The following MAEA variants were observed in gnomAD, a reference collection of about 807,000 sequenced individuals.
The protein encoded by MAEA is E3 ubiquitin-protein transferase MAEA.
MAEA carries 22 observed loss-of-function variants against 46.2 expected under a neutral mutation model. That is an observed-to-expected ratio of 0.48 (90% CI 0.34 to 0.68). The LOEUF (loss-of-function observed/expected upper bound fraction) is 0.68, where lower values mean the gene tolerates loss of function less well. MAEA is among the 30% of genes least tolerant of loss of function. The pLI, the probability that MAEA is intolerant of heterozygous loss-of-function variation, is 0.01. For missense variants in MAEA, 393 were observed against 558.1 expected, an observed-to-expected ratio of 0.70 and a Z score of 2.98; for synonymous variants, 246 against 222.6, an observed-to-expected ratio of 1.11 and a Z score of -0.94.
chr4:1,332,792 G>A lies in MAEA; in HGVS notation c.692G>A (p.Ser231Asn). 1 of 1,613,302 alleles carries A rather than the reference G, an allele frequency of 6.2e-7. No individual in the cohort carries two copies. Among genetic ancestry groups the A allele is most frequent in the Non-Finnish European group, 8.5e-7 (1 of 1,179,750 alleles). ...ARKHFSQAEG[S>N]QLDEVRQAMG... ...AAGCACTTCAGCCAAGCAGAAGGGA[G>A]CCAGCTGGACGAGGTGCGCCAGGCC... Residue 231 changes from serine (S) to asparagine (N), a missense_variant, in exon 6 of 9, where the codon AGC becomes AAC. Physicochemically the swap from Ser to Asn is conservative, Grantham distance 46. Around this residue, in one of 2 missense-constraint regions of MAEA, gnomAD observed 358 missense variants for 537.9 expected, o/e 0.67. Coordinates refer to ENST00000303400, the MANE Select transcript of MAEA (RefSeq NM_001017405.3).
chr4:1,296,795 G>A (rs1308155486), intron 1 of MAEA, among the ~76,000 whole-genome samples: 2 of 152,054 alleles, frequency 1.3e-5, no homozygotes, highest in Non-Finnish European at 2.9e-5. Flanking sequence ...AGTCCACAGC[G>A]GACCCCACTG....
At chr4:1,319,809 G>A (rs1737793399) in intron 3 of MAEA, among the ~76,000 whole-genome samples, 2 of 151,596 alleles carry the variant, frequency 1.3e-5, no homozygotes, top group Admixed American at 1.3e-4. Flanking sequence ...ACATTCGCCT[G>A]CCCTGAAGGG....
chr4:1,313,574 A>T (rs73073731), intron 2 of MAEA, among the ~76,000 whole-genome samples: 2,982 of 152,180 alleles, frequency 0.02, 111 homozygotes, highest in African/African-American at 0.067. Flanking sequence ...AAACATTAAA[A>T]ATAGCCAAGC....
chr4:1,320,843 G>A (rs1560365272), intron 3 of MAEA, among the ~76,000 whole-genome samples: 1 of 151,720 alleles, frequency 6.6e-6, no homozygotes, highest in African/African-American at 2.4e-5. Flanking sequence ...GCTCACGCCT[G>A]TAATCCCAGC....
intron 6 of MAEA, among the ~76,000 whole-genome samples, chr4:1,336,563 G>A (rs1712796218): frequency 6.6e-6 from 1 of 152,090 alleles, no homozygotes. Context: ...GCCTCGCAGT[G>A]TGTTGAAATC....
chr4:1,295,080 G>A (rs1356323811), intron 1 of MAEA, among the ~76,000 whole-genome samples: 1 of 152,130 alleles, frequency 6.6e-6, no homozygotes, highest in Non-Finnish European at 1.5e-5. Context: ...TCAGCAGAAT[G>A]GGAAGCAAGC....
intron 1 of MAEA, among the ~76,000 whole-genome samples, chr4:1,296,693 C>A (rs13109112): frequency 0.35 from 52,989 of 151,092 alleles, 11,126 homozygotes; most frequent in Non-Finnish European, 0.48. Flanking sequence ...CTTCATGTCT[C>A]TCTTCCTGTT....
Position 1,290,028 on chromosome 4 carries a change from A to C in MAEA, c.69+46A>C, listed in dbSNP as rs745648686. ...GGCTGAGGGCAGCGAAGGCGTCTCC[A>C]GCCAGTGCCCTCGGGCCGCGAGGGG... On this transcript the variant is annotated intron_variant, in intron 1 of 8. Coordinates refer to ENST00000303400, the MANE Select transcript of MAEA (RefSeq NM_001017405.3). 30 of 1,475,150 alleles carry C rather than the reference A, an allele frequency of 2.0e-5. No individual in the cohort carries two copies. In the East Asian group the frequency reaches 7.2e-4, roughly 35 times the overall value. 91.4% of individuals were successfully genotyped at this position (1,475,150 alleles called of 1,614,324 possible).
Position 1,311,905 on chromosome 4 carries a change from G to A in MAEA, c.70-74G>A. Reference sequence around the variant, plus strand: ...TCTACAAGTGCCATGAGGAGACCTGGTGTGTCCTGGGTGTGGGGCTGGTGG... The same window carrying A: ...TCTACAAGTGCCATGAGGAGACCTGATGTGTCCTGGGTGTGGGGCTGGTGG... On this transcript the variant is annotated intron_variant, in intron 1 of 8. Coordinates refer to ENST00000303400, the MANE Select transcript of MAEA (RefSeq NM_001017405.3). This position sits in a 1 kb window ranked among gnomAD's most constrained non-coding sequence, Gnocchi z 4.4. 1 of 1,363,338 alleles carries A rather than the reference G, an allele frequency of 7.3e-7. No homozygotes were observed. The highest frequency in any genetic ancestry group is 1.0e-6 in the Non-Finnish European group (1 of 978,932). 84.5% of individuals were successfully genotyped at this position (1,363,338 alleles called of 1,614,324 possible).
intron 1 of MAEA, among the ~76,000 whole-genome samples, chr4:1,300,588 C>T (rs945466469): frequency 6.6e-6 from 1 of 152,258 alleles, no homozygotes; most frequent in Non-Finnish European, 1.5e-5. Context: ...CTCTTCCGTG[C>T]TGCCGGCTTC....
intron 3 of MAEA, among the ~76,000 whole-genome samples, chr4:1,320,094 A>G (rs947441762): frequency 2.0e-5 from 3 of 151,540 alleles, no homozygotes; most frequent in African/African-American, 2.4e-5. Context: ...AAAAGAAATC[A>G]TCAAAGCAAA....
intron 2 of MAEA, among the ~76,000 whole-genome samples, chr4:1,313,529 C>T (rs1364224570): frequency 6.6e-6 from 1 of 152,090 alleles, no homozygotes; most frequent in Non-Finnish European, 1.5e-5. Flanking sequence ...AGTTTGAGAC[C>T]AGCCTGGGCA....
chr4:1,323,444 T>A, intron 4 of MAEA: 2 of 701,912 alleles, frequency 2.8e-6, no homozygotes, highest in East Asian at 2.7e-5. Context: ...CCTGGCTGAG[T>A]TTGGCAGGGT....
intron 4 of MAEA, chr4:1,323,417 C>T (rs899742627): frequency 2.2e-5 from 15 of 695,642 alleles, no homozygotes; most frequent in South Asian, 7.4e-5. Flanking sequence ...CTAAACTGAG[C>T]GCTGCTTTAA....
chr4:1,300,009 A>G (rs1450865027), intron 1 of MAEA: 2 of 152,232 alleles, frequency 1.3e-5, no homozygotes, highest in Non-Finnish European at 2.9e-5. Flanking sequence ...AATTCTGTCT[A>G]AAGCAGTAAG....
At chr4:1,306,216 A>G (rs1476370267) in intron 1 of MAEA, among the ~76,000 whole-genome samples, 2 of 152,114 alleles carry the variant, frequency 1.3e-5, no homozygotes, top group Non-Finnish European at 2.9e-5. Context: ...GGACCCATAA[A>G]ATTCACCATC....
intron 6 of MAEA, 56 bp downstream of exon 6, chr4:1,332,921 T>C: frequency 7.2e-7 from 1 of 1,379,878 alleles, no homozygotes; most frequent in Non-Finnish European, 1.0e-6. Context: ...CCAGGGTGTG[T>C]CTCTGGTCTG....
chr4:1,338,599 C>T lies in MAEA; in HGVS notation c.1077C>T (p.Gly359=), dbSNP rs760702699. 6.2e-7 allele frequency: 1 copy of T among 1,610,242 alleles called. No homozygotes were observed. Among genetic ancestry groups the T allele is most frequent in the Admixed American group, 1.7e-5 (1 of 59,602 alleles). Residue 359 remains glycine (G), a synonymous_variant, in exon 8 of 9, where the codon GGC becomes GGT. Transcript: ENST00000303400. ...ENNPPMMLPN[G]YVYGYNSLLS... ...ATCCGCCCATGATGCTGCCCAACGG[C>T]TACGTCTACGGCTACAATGTGAGGG...
At chr4:1,333,019 T>C (rs1226872344) in intron 6 of MAEA, among the ~76,000 whole-genome samples, 154 bp downstream of exon 6, 5 of 152,148 alleles carry the variant, frequency 3.3e-5, no homozygotes, top group Non-Finnish European at 7.3e-5. Context: ...TTTTCTTGTT[T>C]GACTCCCATT....
Sources: gnomAD v4.1 joint callset for allele counts (sites outside exome capture counted in the v4.1 genomes callset) on GRCh38, gnomAD v4.1.1 for gene constraint, gnomAD v4.1.1 regional missense constraint, Gnocchi (gnomAD v3.1) non-coding constraint, MANE v1.5 for transcripts, NCBI Gene and HGNC (gene_info 2026-07-23, HGNC 2026-07-21) for gene names.